SLC12A2: variants seen among roughly 807,000 people sequenced by gnomAD.
The protein encoded by SLC12A2 is Na-K-2Cl cotransporter 1.
Under a neutral mutation model 136.3 loss-of-function variants are expected in SLC12A2, and 67 were observed. The observed-to-expected ratio is 0.49, with a 90% CI of 0.40 to 0.60. The LOEUF (loss-of-function observed/expected upper bound fraction) is 0.60, where lower values mean the gene tolerates loss of function less well. Ranked by LOEUF, SLC12A2 falls within the 20% of genes least tolerant of loss-of-function variation. SLC12A2 has a pLI of 0.00. For synonymous variants in SLC12A2, 619 were observed against 562.9 expected, an observed-to-expected ratio of 1.10 and a Z score of -1.41; for missense variants, 1,322 against 1,534.7, an observed-to-expected ratio of 0.86 and a Z score of 2.32.
rs1329427157 is a variant in SLC12A2, at chr5:128,084,287, G to C, written c.333G>C (p.Ala111=). 6.9e-7 allele frequency: 1 copy of C among 1,456,940 alleles called. No individual in the cohort carries two copies. Among genetic ancestry groups the C allele is most frequent in the Admixed American group, 2.7e-5 (1 of 37,598 alleles). The allele number at this position is 1,456,940 out of a possible 1,614,324, so 90.3% of individuals were successfully genotyped here. Residue 111 remains alanine, a synonymous_variant, in exon 1 of 27, where the codon GCG becomes GCC. Transcript: ENST00000262461. This position sits in a 1 kb window ranked among gnomAD's most constrained non-coding sequence, Gnocchi z 5.6. ...CAGCGGCGGCGGCTGGTGCTGGGGCGGGGGCCAAGCAGACCCCCGCGGACG... is the reference window on the plus strand; with the variant it reads ...CAGCGGCGGCGGCTGGTGCTGGGGCCGGGGCCAAGCAGACCCCCGCGGACG... ...AAAAAAAGAG[A]GAKQTPADGE...
rs1763893035 is a variant in SLC12A2, at chr5:128,187,096, C to T, written c.*465C>T. 6.4e-6 allele frequency: 1 copy of T among 156,156 alleles called. No homozygotes were observed. The highest frequency in any genetic ancestry group is 2.4e-5 in the African/African-American group (1 of 41,430). 9.7% of individuals were successfully genotyped at this position (156,156 alleles called of 1,614,324 possible). A position where few individuals can be genotyped will look rare whatever the true frequency, so the allele number is the denominator to read the frequency against. ...CAAAATGAACACTGCTTGTCTTCTT[C>T]CATTGACCATTTAGTGTTGAGTACT... is the stretch of plus-strand genomic sequence containing the variant. On this transcript the variant is annotated 3_prime_UTR_variant, in exon 27 of 27. Coordinates refer to ENST00000262461, the MANE Select transcript of SLC12A2 (RefSeq NM_001046.3).
chr5:128,136,956 C>T (rs941955467), intron 7 of SLC12A2, among the ~76,000 whole-genome samples: 2 of 152,140 alleles, frequency 1.3e-5, no homozygotes, highest in Non-Finnish European at 2.9e-5. Flanking sequence ...GTAGCTGAAA[C>T]CAGGATCTTA....
rs536169132 is a variant in SLC12A2 at position 128,169,632 on chromosome 5, A to G, written c.2723+1765A>G. The G allele has an allele frequency of 2.6e-5, 4 of 152,230 alleles. No individual in the cohort carries two copies. In the South Asian group the frequency reaches 8.3e-4, roughly 32 times the overall value. The allele number at this position is 152,230 out of a possible 1,614,324, so 9.4% of individuals were successfully genotyped here. On this transcript the variant is annotated intron_variant, in intron 18 of 26. Coordinates refer to ENST00000262461, the MANE Select transcript of SLC12A2 (RefSeq NM_001046.3). ...AAGCAAAACCTCATTGTGGCTTTCT[A>G]ATTTTGTATTCTGTGTATATAGGGA... is the stretch of plus-strand genomic sequence containing the variant.
intron 1 of SLC12A2, among the ~76,000 whole-genome samples, chr5:128,089,260 A>T (rs1328332879): frequency 1.3e-5 from 2 of 150,676 alleles, no homozygotes; most frequent in Admixed American, 6.6e-5. Context: ...CCATGGTAGG[A>T]GCCTGTTGTC....
At chr5:128,161,613 G>C in intron 16 of SLC12A2, 47 bp from the exon 17 acceptor site, 1 of 1,199,848 alleles carries the variant, frequency 8.3e-7, no homozygotes. Context: ...TAAATGTGAA[G>C]TTGCTTACCT....
intron 4 of SLC12A2, among the ~76,000 whole-genome samples, chr5:128,125,288 C>T (rs749076563): frequency 7.2e-5 from 11 of 152,120 alleles, no homozygotes; most frequent in Non-Finnish European, 1.3e-4. Flanking sequence ...AGCCTTACTG[C>T]GTGTGAAATG....
intron 9 of SLC12A2, among the ~76,000 whole-genome samples, chr5:128,140,658 C>T (rs946914449): frequency 6.7e-6 from 1 of 149,948 alleles, no homozygotes; most frequent in East Asian, 1.9e-4. Flanking sequence ...GTAAAGGCAG[C>T]CTCTACACCA....
At chr5:128,163,851 T>C (rs998077749) in intron 17 of SLC12A2, among the ~76,000 whole-genome samples, 1 of 152,214 alleles carries the variant, frequency 6.6e-6, no homozygotes, top group African/African-American at 2.4e-5. Context: ...GAGGCTTTAC[T>C]GTGTTTCTCA....
intron 1 of SLC12A2, among the ~76,000 whole-genome samples, chr5:128,095,184 G>T (rs1760480405): frequency 6.6e-6 from 1 of 152,094 alleles, no homozygotes; most frequent in Non-Finnish European, 1.5e-5. Flanking sequence ...AGTGGAATCT[G>T]TTTTCTTTGT....
chr5:128,110,593 G>A lies in SLC12A2; in HGVS notation c.757-2221G>A, dbSNP rs1355027979. ...GCATAAGTATCAAATAAATATTGATGGCATCGTAGCAGCTTATCACCTGCC... is the reference window on the plus strand; with the variant it reads ...GCATAAGTATCAAATAAATATTGATAGCATCGTAGCAGCTTATCACCTGCC... On this transcript the variant is annotated intron_variant, in intron 1 of 26. Coordinates refer to ENST00000262461, the MANE Select transcript of SLC12A2 (RefSeq NM_001046.3). The A allele has an allele frequency of 5.4e-6, 6 of 1,102,452 alleles. No individual in the cohort carries two copies. In the African/African-American group the frequency reaches 9.3e-5, roughly 17 times the overall value. 68.3% of individuals were successfully genotyped at this position (1,102,452 alleles called of 1,614,324 possible). A position where few individuals can be genotyped will look rare whatever the true frequency, so the allele number is the denominator to read the frequency against.
intron 1 of SLC12A2, among the ~76,000 whole-genome samples, chr5:128,096,832 A>G (rs1436572695): frequency 6.6e-6 from 1 of 152,116 alleles, no homozygotes; most frequent in African/African-American, 2.4e-5. Context: ...ACAAATAGGC[A>G]TTCATAATAA....
chr5:128,142,062 A>G, intron 10 of SLC12A2, 81 bp downstream of exon 10: 2 of 1,190,084 alleles, frequency 1.7e-6, no homozygotes, highest in African/African-American at 3.1e-5. Context: ...CATTCAGAAT[A>G]TAGCTGTAAC....
At chr5:128,163,956 C>T (rs1490872993) in intron 17 of SLC12A2, among the ~76,000 whole-genome samples, 1 of 152,108 alleles carries the variant, frequency 6.6e-6, no homozygotes, top group Non-Finnish European at 1.5e-5. Context: ...GAATGCTACA[C>T]TGGGTCATAT....
Position 128,171,747 on chromosome 5 carries a change from G to A in SLC12A2, c.2803+1G>A. The A allele has an allele frequency of 6.4e-7, 1 of 1,552,428 alleles. No individual in the cohort carries two copies. Among genetic ancestry groups the A allele is most frequent in the South Asian group, 1.2e-5 (1 of 81,878 alleles). On this transcript the variant is annotated splice_donor_variant, in intron 19 of 26. Coordinates refer to ENST00000262461, the MANE Select transcript of SLC12A2 (RefSeq NM_001046.3). LOFTEE classifies it high-confidence loss of function. ...GATATATCTCATCTTCAAGGACAAG[G>A]TAAATTTTGTTGGCAATAAGTTTTT...
intron 14 of SLC12A2, among the ~76,000 whole-genome samples, chr5:128,152,107 C>A (rs1477935158): frequency 6.6e-6 from 1 of 152,034 alleles, no homozygotes; most frequent in African/African-American, 2.4e-5. Flanking sequence ...AGAGTAGTTT[C>A]AATATAGTAG....
intron 1 of SLC12A2, among the ~76,000 whole-genome samples, chr5:128,092,217 C>T (rs1760353319): frequency 6.6e-6 from 1 of 152,224 alleles, no homozygotes. Flanking sequence ...GTTTGAAACA[C>T]ATCCAGTATC....
chr5:128,125,404 GTT>G (rs564019049), intron 4 of SLC12A2, among the ~76,000 whole-genome samples: 397 of 152,268 alleles, frequency 2.6e-3, no homozygotes, highest in Non-Finnish European at 4.6e-3. Flanking sequence ...TTTGCTTGAT[GTT>G]CAATGATGAG....
intron 6 of SLC12A2, among the ~76,000 whole-genome samples, chr5:128,135,187 A>G (rs1010672423): frequency 6.6e-6 from 1 of 151,914 alleles, no homozygotes; most frequent in African/African-American, 2.4e-5. Context: ...TTTCCTTCCA[A>G]TCCCATTGCT....
At chr5:128,178,753 T>A in intron 22 of SLC12A2, 64 bp downstream of exon 22, 7 of 1,276,674 alleles carry the variant, frequency 5.5e-6, no homozygotes, top group Non-Finnish European at 7.4e-6. Context: ...TAGTAAGAAA[T>A]GACATGCACT....
Sources: gnomAD v4.1 joint callset for allele counts (sites outside exome capture counted in the v4.1 genomes callset) on GRCh38, gnomAD v4.1.1 for gene constraint, Gnocchi (gnomAD v3.1) non-coding constraint, MANE v1.5 for transcripts, NCBI Gene and HGNC (gene_info 2026-07-23, HGNC 2026-07-21) for gene names.